Variants in ZC3H14 observed in about 807,000 individuals in gnomAD.
The protein encoded by ZC3H14 is zinc finger CCCH-type containing 14.
A neutral mutation model predicts 92.4 loss-of-function variants in ZC3H14; 31 were observed. That is an observed-to-expected ratio of 0.34 (90% CI 0.25 to 0.45). The LOEUF is 0.45. ZC3H14 is among the 20% of genes least tolerant of loss of function. The pLI is 1.00. For missense variants in ZC3H14, 781 were observed against 897.3 expected (o/e 0.87, Z 1.66); for synonymous variants, 321 against 300.9 (o/e 1.07, Z -0.69).
rs1270623987 is a variant in ZC3H14 at position 88,613,664 on chromosome 14, AG to A, written c.*1915del. 1 of 152,182 alleles carries A rather than the reference AG, an allele frequency of 6.6e-6. No homozygotes were observed. Among genetic ancestry groups the A allele is most frequent in the East Asian group, 1.9e-4 (1 of 5,200 alleles). 9.4% of individuals were successfully genotyped at this position (152,182 alleles called of 1,614,324 possible). ...CACCACAAAAAGGGACCACAAAAAA[AG>A]GAAGGAAATGAGCATGGTTGGCGAT... On this transcript the variant is annotated 3_prime_UTR_variant, in exon 17 of 17. Transcript: ENST00000251038.
At chr14:88,563,630 C>T (rs903347837) in intron 1 of ZC3H14, 21 bp from the exon 2 acceptor site, 6 of 1,613,772 alleles carry the variant, frequency 3.7e-6, no homozygotes, top group African/African-American at 1.3e-5. Context: ...CTCACATGCA[C>T]GTTTGCTCTT....
At chr14:88,597,769 GA>G (rs1369441309) in intron 10 of ZC3H14, among the ~76,000 whole-genome samples, 6 of 152,294 alleles carry the variant, frequency 3.9e-5, no homozygotes, top group Non-Finnish European at 8.8e-5. Flanking sequence ...AGGAGTATTT[GA>G]AAAGGTTGAC....
Position 88,609,722 on chromosome 14 carries a change from A to T in ZC3H14, c.2016A>T (p.Pro672=). 6.2e-7 allele frequency: 1 copy of T among 1,614,178 alleles called. No homozygotes were observed. The highest frequency in any genetic ancestry group is 8.5e-7 in the Non-Finnish European group (1 of 1,180,016). Residue 672 remains proline, a synonymous_variant, in exon 15 of 17, where the codon CCA becomes CCT. Transcript: ENST00000251038. ...PVLSPKPAVA[P]PAPPSSSQLC... is the part of the protein sequence containing the mutation. ...TTTTTATTTTGTTAGCAGTTGCACC[A>T]CCAGCACCACCTTCCAGTAGTCAGC...
intron 6 of ZC3H14, 95 bp downstream of exon 6, chr14:88,573,102 T>C (rs117454332): frequency 0.017 from 24,273 of 1,403,252 alleles, 253 homozygotes; most frequent in East Asian, 0.03. Context: ...ATTCCAAGGC[T>C]GGGCACAGTG....
At chr14:88,566,762 A>T (rs1477931436) in intron 2 of ZC3H14, among the ~76,000 whole-genome samples, 2 of 152,082 alleles carry the variant, frequency 1.3e-5, no homozygotes, top group Non-Finnish European at 2.9e-5. Flanking sequence ...TCTACTAAAA[A>T]TACAAACATT....
At chr14:88,573,072 T>C (rs959254036) in intron 6 of ZC3H14, 65 bp downstream of exon 6, 84 of 1,556,922 alleles carry the variant, frequency 5.4e-5, no homozygotes, top group Middle Eastern at 1.8e-4. Context: ...CCAAATAATA[T>C]ATGAAGTAAC....
At chr14:88,610,598 CG>C (rs1193789270) in intron 15 of ZC3H14, among the ~76,000 whole-genome samples, 1 of 148,544 alleles carries the variant, frequency 6.7e-6, no homozygotes, top group Non-Finnish European at 1.5e-5. Context: ...CGTTTGAGCC[CG>C]GGAGTTTGAA....
At position 88,627,089 on chromosome 14, in the gene ZC3H14, A is replaced by G. The variant is rs907491135; in HGVS notation, c.*15338A>G. 1 of 1,588,152 alleles carries G rather than the reference A, an allele frequency of 6.3e-7. No homozygotes were observed. The highest frequency in any genetic ancestry group is 8.6e-7 in the Non-Finnish European group (1 of 1,159,072). The stretch of plus-strand genomic sequence containing the variant: ...AATTATCTAGGTTATTACAAGAACC[A>G]AGCTAATCAACAGCATCAAACAAAT... On this transcript the variant is annotated 3_prime_UTR_variant, in exon 17 of 17. Transcript: ENST00000251038.
chr14:88,577,842 T>G, intron 8 of ZC3H14, 143 bp from the exon 9 acceptor site: 6 of 1,031,582 alleles, frequency 5.8e-6, no homozygotes, highest in Non-Finnish European at 8.8e-6. Context: ...GTGCTGAGAT[T>G]ACAGGCATGA....
intron 2 of ZC3H14, among the ~76,000 whole-genome samples, chr14:88,564,564 A>G (rs1485447564): frequency 6.6e-6 from 1 of 152,250 alleles, no homozygotes; most frequent in Non-Finnish European, 1.5e-5. Context: ...AACTGTTTTC[A>G]TATTAATACT....
chr14:88,605,739 G>A (rs1299609030), intron 12 of ZC3H14, among the ~76,000 whole-genome samples: 1 of 152,200 alleles, frequency 6.6e-6, no homozygotes, highest in African/African-American at 2.4e-5. Flanking sequence ...TGGGCTGCAT[G>A]ACTACATTTG....
At chr14:88,576,075 G>C in intron 8 of ZC3H14, 135 bp downstream of exon 8, 1 of 766,190 alleles carries the variant, frequency 1.3e-6, no homozygotes, top group Non-Finnish European at 2.1e-6. Context: ...TTCCCATATA[G>C]AAAAATGGCT....
chr14:88,594,454 G>A (rs1415624947), intron 9 of ZC3H14: 2 of 1,274,680 alleles, frequency 1.6e-6, no homozygotes, highest in South Asian at 1.6e-5. Context: ...AGGGCCCTAC[G>A]TATTAGGGCT....
At position 88,611,690 on chromosome 14, in the gene ZC3H14, G is replaced by GTATA. The variant is rs1214810943; in HGVS notation, c.2205-51_2205-48dup. The GTATA allele has an allele frequency of 2.5e-6, 4 of 1,604,974 alleles. No homozygotes were observed. In the East Asian group the frequency reaches 8.9e-5, roughly 36 times the overall value. ...TCAACTTTTTAAACTGAGATATATG[G>GTATA]TATATATGGATACAAAGCAGATAAT... is the stretch of plus-strand genomic sequence containing the variant. On this transcript the variant is annotated intron_variant, in intron 16 of 16. Coordinates refer to ENST00000251038, the MANE Select transcript of ZC3H14 (RefSeq NM_024824.5).
rs1199871170 is a variant in ZC3H14, at chr14:88,563,598, T to G, written c.37-53T>G. ...GCCTCAGCCGCTGCAGAGTCCGGTC[T>G]TGTTTTCCTAGAGCCGCCTTTCTCA... On this transcript the variant is annotated intron_variant, in intron 1 of 16. Transcript: ENST00000251038. 7 of 1,606,988 alleles carry G rather than the reference T, an allele frequency of 4.4e-6. No individual in the cohort carries two copies. In the East Asian group the frequency reaches 1.6e-4, roughly 36 times the overall value.
chr14:88,563,765 A>G (rs975106800), intron 2 of ZC3H14, 72 bp downstream of exon 2: 14 of 1,409,748 alleles, frequency 9.9e-6, no homozygotes, highest in Middle Eastern at 1.8e-4. Flanking sequence ...GTGAATGCGT[A>G]TTTCTCACCG....
In ZC3H14 at chr14:88,584,315, GTAGA is replaced by G. The variant is rs562261159; in HGVS notation, c.1279+6178_1279+6181del. Among the ~76,000 whole-genome samples the G allele has an allele frequency of 1.8e-4, 27 of 152,154 alleles. No individual in the cohort carries two copies. The South Asian group carries it at 5.0e-3, about 28-fold the overall frequency. ...GAGATGTGGCAATTTGAAAAAACTT[GTAGA>G]TAAACTATATAGCCTAGAAATAGTG... On this transcript the variant is annotated intron_variant, in intron 9 of 16. Coordinates refer to ENST00000251038, the MANE Select transcript of ZC3H14 (RefSeq NM_024824.5).
At position 88,603,047 on chromosome 14, in the gene ZC3H14, T is replaced by C. The variant is rs753775082; in HGVS notation, c.1734T>C (p.Gly578=). Residue 578 remains glycine, a synonymous_variant, in exon 12 of 17, where the codon GGT becomes GGC. Transcript: ENST00000251038. ...GCAGGCAGCTTGAGGACCCAAATGG[T>C]AGCTTTTCTAACGGTGTGTTGAGAG... ...LLSRQLEDPN[G]SFSNAEMSEL... 2 of 1,614,164 alleles carry C rather than the reference T, an allele frequency of 1.2e-6. No individual in the cohort carries two copies. Among genetic ancestry groups the C allele is most frequent in the South Asian group, 2.2e-5 (2 of 91,090 alleles).
chr14:88,588,727 T>G (rs2082746596), intron 9 of ZC3H14, among the ~76,000 whole-genome samples: 2 of 152,196 alleles, frequency 1.3e-5, no homozygotes, highest in African/African-American at 2.4e-5. Flanking sequence ...TTCATTGTTC[T>G]CTGGTGGAAA....
Sources: gnomAD v4.1 joint callset for allele counts (sites outside exome capture counted in the v4.1 genomes callset) on GRCh38, gnomAD v4.1.1 for gene constraint, MANE v1.5 for transcripts, NCBI Gene and HGNC (gene_info 2026-07-23, HGNC 2026-07-21) for gene names.